ANKS1B: variants seen among roughly 807,000 people sequenced by gnomAD.
ANKS1B encodes ankyrin repeat and sterile alpha motif domain-containing protein 1B.
In ANKS1B, 36 loss-of-function variants were observed where a neutral mutation model predicts 148.3. That is an observed-to-expected ratio of 0.24 (90% confidence interval 0.19 to 0.32). ANKS1B has a LOEUF of 0.32. Among genes scored for constraint, ANKS1B ranks in the 10% least tolerant of loss-of-function variants. The pLI is 1.00. For missense variants in ANKS1B, 1,157 were observed against 1,542.6 expected (o/e 0.75, Z 4.19); for synonymous variants, 542 against 560.8 (o/e 0.97, Z 0.47).
At chr12:98,889,243 G>A (rs1213043406) in intron 17 of ANKS1B, among the ~76,000 whole-genome samples, 3 of 152,082 alleles carry the variant, frequency 2.0e-5, no homozygotes, top group African/African-American at 7.2e-5. Context: ...AAATTAAAAA[G>A]AAACATTTCA....
intron 16 of ANKS1B, among the ~76,000 whole-genome samples, chr12:99,059,206 G>A (rs900659808): frequency 1.3e-5 from 2 of 152,166 alleles, no homozygotes; most frequent in Non-Finnish European, 2.9e-5. Context: ...TAATAGAGAA[G>A]TGAGTATCTG....
intron 1 of ANKS1B, among the ~76,000 whole-genome samples, chr12:99,896,827 C>A (rs2093405092): frequency 6.6e-6 from 1 of 151,244 alleles, no homozygotes; most frequent in Non-Finnish European, 1.5e-5. Context: ...GGAATAGAAG[C>A]AAATTCATTT....
chr12:99,006,420 CAT>C (rs1177831457), intron 17 of ANKS1B, among the ~76,000 whole-genome samples: 47 of 152,192 alleles, frequency 3.1e-4, no homozygotes, highest in Admixed American at 2.7e-3. Flanking sequence ...GATCTGATCC[CAT>C]ATTAGAATAA....
Position 99,744,853 on chromosome 12 carries a change from G to A in ANKS1B, c.1128+28069C>T, listed in dbSNP as rs147194234. Among the ~76,000 whole-genome samples the A allele has an allele frequency of 2.7e-3, 409 of 151,924 alleles. 1 individual carries two copies. The South Asian group carries it at 0.031, about 12-fold the overall frequency. ...TTAAAAATACAAAAATTAGCTGGGC[G>A]TGGTGGCACATGCCTGTAATCCCAG... On this transcript the variant is annotated intron_variant, in intron 8 of 26. Transcript: ENST00000683438.
At position 99,758,284 on chromosome 12, in the gene ANKS1B, A is replaced by T. The variant is rs987982374; in HGVS notation, c.1128+14638T>A. Among the ~76,000 whole-genome samples, 11 of 152,142 alleles carry T rather than the reference A, an allele frequency of 7.2e-5. No homozygotes were observed. In the South Asian group the frequency reaches 2.1e-3, roughly 29 times the overall value. ...CAACACACTGCTAAATACTTTTTAC[A>T]CAAAGTATACTTCAATAGGAAACAG... On this transcript the variant is annotated intron_variant, in intron 8 of 26. Coordinates refer to ENST00000683438, the MANE Select transcript of ANKS1B (RefSeq NM_001352186.2).
chr12:99,162,388 A>G (rs2076744644), intron 14 of ANKS1B, among the ~76,000 whole-genome samples: 1 of 152,152 alleles, frequency 6.6e-6, no homozygotes, highest in Non-Finnish European at 1.5e-5. Flanking sequence ...AATAATAAAA[A>G]CAAATCTTAA....
At chr12:98,814,830 T>C (rs1205683004) in intron 19 of ANKS1B, among the ~76,000 whole-genome samples, 1 of 152,232 alleles carries the variant, frequency 6.6e-6, no homozygotes, top group Non-Finnish European at 1.5e-5. Flanking sequence ...ATTTAATGTT[T>C]ACTTCTTTGA....
rs553220593 is a variant in ANKS1B at position 99,225,586 on chromosome 12, C to T, written c.2419+18756G>A. On this transcript the variant is annotated intron_variant, in intron 14 of 26. Coordinates refer to ENST00000683438, the MANE Select transcript of ANKS1B (RefSeq NM_001352186.2). ...TGGGCACGATCTAATCAGCTGCCAG[C>T]GTGGCTACAAAAAAGCAGGCAGAAT... Among the ~76,000 whole-genome samples, 3 of 152,198 alleles carry T rather than the reference C, an allele frequency of 2.0e-5. No homozygotes were observed. The East Asian group carries it at 5.8e-4, about 29-fold the overall frequency.
chr12:99,525,057 T>A (rs925866070), intron 9 of ANKS1B, among the ~76,000 whole-genome samples: 1 of 152,158 alleles, frequency 6.6e-6, no homozygotes, highest in Non-Finnish European at 1.5e-5. Flanking sequence ...TATTTTCGAC[T>A]GGTAGGGCCC....
In ANKS1B at chr12:99,984,308, CA is replaced by C; in HGVS notation, c.-72del. The stretch of plus-strand genomic sequence containing the variant: ...CTCCTCCCCACCCACCCCCACTCCC[CA>C]AAATCCAGGGCCCTCTTCGCCCCAC... On this transcript the variant is annotated 5_prime_UTR_variant, in exon 1 of 27. Coordinates refer to ENST00000683438, the MANE Select transcript of ANKS1B (RefSeq NM_001352186.2). The C allele has an allele frequency of 7.6e-7, 1 of 1,324,478 alleles. No homozygotes were observed. The highest frequency in any genetic ancestry group is 1.0e-6 in the Non-Finnish European group (1 of 998,124). The allele number at this position is 1,324,478 out of a possible 1,614,324, so 82.0% of individuals were successfully genotyped here.
chr12:99,710,725 T>C (rs1302186001), intron 8 of ANKS1B, among the ~76,000 whole-genome samples: 1 of 152,108 alleles, frequency 6.6e-6, no homozygotes, highest in Admixed American at 6.6e-5. Flanking sequence ...AAAGTAAGAA[T>C]TGCTTCCCAA....
intron 12 of ANKS1B, among the ~76,000 whole-genome samples, chr12:99,375,958 T>C (rs953730920): frequency 2.0e-5 from 3 of 152,244 alleles, no homozygotes; most frequent in African/African-American, 7.2e-5. Context: ...GAACGTGGAA[T>C]ATTGTCACAT....
At chr12:99,197,822 G>T (rs745952075) in intron 14 of ANKS1B, among the ~76,000 whole-genome samples, 22 of 152,090 alleles carry the variant, frequency 1.4e-4, no homozygotes, top group Non-Finnish European at 2.6e-4. Context: ...TCAGACTTTT[G>T]TCTCACTTTG....
chr12:99,791,432 T>G (rs911426483), intron 4 of ANKS1B, among the ~76,000 whole-genome samples: 4 of 151,862 alleles, frequency 2.6e-5, no homozygotes, highest in Non-Finnish European at 5.9e-5. Flanking sequence ...ATGGAACATT[T>G]TATCTGATGG....
chr12:99,667,286 T>G (rs1599222804), intron 8 of ANKS1B, among the ~76,000 whole-genome samples: 1 of 151,190 alleles, frequency 6.6e-6, no homozygotes, highest in South Asian at 2.1e-4. Context: ...GAGGCGGAGG[T>G]TGCAGTGAGC....
chr12:99,462,663 T>G (rs1197306698), intron 10 of ANKS1B, among the ~76,000 whole-genome samples: 1 of 152,194 alleles, frequency 6.6e-6, no homozygotes, highest in Admixed American at 6.5e-5. Context: ...ATCAAATGAT[T>G]TGATATTCTC....
At chr12:99,890,531 G>A (rs144701952) in intron 1 of ANKS1B, among the ~76,000 whole-genome samples, 17 of 151,406 alleles carry the variant, frequency 1.1e-4, no homozygotes, top group African/African-American at 3.6e-4. Context: ...TCACATGAGC[G>A]TATTCCTTAA....
intron 1 of ANKS1B, among the ~76,000 whole-genome samples, chr12:99,846,700 G>A (rs2086721993): frequency 6.6e-6 from 1 of 151,976 alleles, no homozygotes; most frequent in South Asian, 2.1e-4. Context: ...GTTACCAAAA[G>A]GCACAGAATT....
At chr12:99,502,057 G>T (rs1243108368) in intron 10 of ANKS1B, among the ~76,000 whole-genome samples, 3 of 151,924 alleles carry the variant, frequency 2.0e-5, no homozygotes, top group Admixed American at 2.0e-4. Flanking sequence ...ATTCAAAATT[G>T]TGCCCCAGCA....
Sources: allele counts gnomAD v4.1 joint callset (sites outside exome capture counted in the v4.1 genomes callset), GRCh38; gene constraint gnomAD v4.1.1; transcripts MANE v1.5; gene names NCBI Gene and HGNC (gene_info 2026-07-23, HGNC 2026-07-21).